The following TRAK2 variants were observed in gnomAD, a reference collection of about 807,000 sequenced individuals.
The protein encoded by TRAK2 is trafficking kinesin-binding protein 2.
Under a neutral mutation model 104.6 loss-of-function variants are expected in TRAK2, and 81 were observed. That is an observed-to-expected ratio of 0.77 (90% CI 0.65 to 0.93). TRAK2 has a LOEUF of 0.93. Among genes scored for constraint, TRAK2 ranks in the 40% least tolerant of loss-of-function variants. The pLI is 0.00. For synonymous variants in TRAK2, 406 were observed against 394.4 expected (o/e 1.03, Z -0.35); for missense variants, 1,002 against 1,089.0 (o/e 0.92, Z 1.12).
At chr2:201,424,829 G>A (rs1025467614) in intron 1 of TRAK2, among the ~76,000 whole-genome samples, 1 of 151,704 alleles carries the variant, frequency 6.6e-6, no homozygotes, top group East Asian at 1.9e-4. Flanking sequence ...GGATGGTCTC[G>A]ATCTCCTGAC....
At chr2:201,440,245 T>G (rs1951910064) in intron 1 of TRAK2, among the ~76,000 whole-genome samples, 2 of 152,134 alleles carry the variant, frequency 1.3e-5, no homozygotes, top group Admixed American at 1.3e-4. Flanking sequence ...AGCCCATTTC[T>G]AATTTTGTTT....
chr2:201,423,037 CCACACACACACACACACA>C lies in TRAK2; in HGVS notation c.-199-2349_-199-2332del, dbSNP rs142826543. On this transcript the variant is annotated intron_variant, in intron 1 of 15. Coordinates refer to ENST00000332624, the MANE Select transcript of TRAK2 (RefSeq NM_015049.3). ...TGGAATAACAACAGCAACACCACCA[CCACACACACACACACACA>C]CACACACACACACACACACACACAC... Among the ~76,000 whole-genome samples the C allele has an allele frequency of 5.8e-3, 780 of 134,222 alleles. 3 individuals are homozygous for C. Among genetic ancestry groups the C allele is most frequent in the Admixed American group, 9.7e-3 (132 of 13,636 alleles). 88.1% of individuals were successfully genotyped at this position (134,222 alleles called of 152,430 possible).
chr2:201,412,233 T>C, intron 2 of TRAK2: 1 of 975,322 alleles, frequency 1.0e-6, no homozygotes, highest in Non-Finnish European at 1.7e-6. Context: ...GCTTGGGCAG[T>C]AGAACCTTTG....
At chr2:201,402,139 T>G (rs10804114) in intron 3 of TRAK2, among the ~76,000 whole-genome samples, 101,433 of 151,816 alleles carry the variant, frequency 0.67, 34,205 homozygotes, top group South Asian at 0.88. Flanking sequence ...AAAGTATTCG[T>G]TAACTGCTAC....
intron 3 of TRAK2, 120 bp from the exon 4 acceptor site, chr2:201,401,214 G>T (rs961604237): frequency 3.6e-6 from 2 of 559,824 alleles, no homozygotes; most frequent in East Asian, 3.1e-5. Flanking sequence ...AGTCATTCAG[G>T]AGAATAAAAA....
chr2:201,441,417 G>T (rs1951919050), intron 1 of TRAK2, among the ~76,000 whole-genome samples: 1 of 152,166 alleles, frequency 6.6e-6, no homozygotes, highest in South Asian at 2.1e-4. Flanking sequence ...CATCAAATGA[G>T]AAATGGTCAG....
chr2:201,436,441 A>G (rs1951880387), intron 1 of TRAK2, among the ~76,000 whole-genome samples: 1 of 152,262 alleles, frequency 6.6e-6, no homozygotes, highest in African/African-American at 2.4e-5. Flanking sequence ...TACTTCACAG[A>G]AGATTAGAAA....
chr2:201,396,854 G>A (rs887903003), intron 7 of TRAK2, among the ~76,000 whole-genome samples: 2 of 152,108 alleles, frequency 1.3e-5, no homozygotes, highest in Admixed American at 6.6e-5. Context: ...AGAATGGTTC[G>A]CGATTTGAAA....
At chr2:201,402,915 C>A (rs953430455) in intron 3 of TRAK2, among the ~76,000 whole-genome samples, 1 of 152,166 alleles carries the variant, frequency 6.6e-6, no homozygotes, top group Non-Finnish European at 1.5e-5. Flanking sequence ...GGAATTAAAA[C>A]CACCAATCTG....
chr2:201,432,530 A>G (rs1951850182), intron 1 of TRAK2, among the ~76,000 whole-genome samples: 1 of 152,272 alleles, frequency 6.6e-6, no homozygotes. Flanking sequence ...ATAATCAAGT[A>G]ACTTATTTTA....
intron 1 of TRAK2, among the ~76,000 whole-genome samples, chr2:201,422,101 AT>A (rs1951746529): frequency 1.3e-5 from 2 of 151,544 alleles, no homozygotes. Flanking sequence ...TCAGAAGGCT[AT>A]TTGGCAATGT....
intron 1 of TRAK2, among the ~76,000 whole-genome samples, chr2:201,427,909 G>A (rs562508416): frequency 6.6e-6 from 1 of 152,166 alleles, no homozygotes; most frequent in Non-Finnish European, 1.5e-5. Flanking sequence ...GCATTTCTCT[G>A]ATGGCCAGTG....
At chr2:201,420,791 A>G in intron 1 of TRAK2, 85 bp from the exon 2 acceptor site, 1 of 288,988 alleles carries the variant, frequency 3.5e-6, no homozygotes. Flanking sequence ...ATCATGAAAA[A>G]TGTTTTTCTA....
At chr2:201,441,870 T>C (rs1462770108) in intron 1 of TRAK2, among the ~76,000 whole-genome samples, 2 of 151,412 alleles carry the variant, frequency 1.3e-5, no homozygotes, top group African/African-American at 4.9e-5. Flanking sequence ...TTTTGTATTT[T>C]TAGTAGAGAT....
chr2:201,441,008 G>A (rs746826535), intron 1 of TRAK2, among the ~76,000 whole-genome samples: 18 of 152,220 alleles, frequency 1.2e-4, no homozygotes, highest in East Asian at 5.8e-4. Flanking sequence ...TGCAAAATAC[G>A]TGCCTACTAC....
At chr2:201,399,230 C>T (rs1314967867) in intron 5 of TRAK2, 147 bp downstream of exon 5, 2 of 552,188 alleles carry the variant, frequency 3.6e-6, no homozygotes, top group South Asian at 2.6e-5. Context: ...AATTTCTCTA[C>T]TGATTAGTTT....
Position 201,398,258 on chromosome 2 carries a change from T to A in TRAK2, c.577A>T (p.Thr193Ser), listed in dbSNP as rs528934952. The A allele has an allele frequency of 6.2e-7, 1 of 1,613,782 alleles. No homozygotes were observed. The highest frequency in any genetic ancestry group is 2.2e-5 in the East Asian group (1 of 44,868). Reference protein sequence around the residue: ...EESETDSSCSTPLRFNESFSL... With the variant: ...EESETDSSCSSPLRFNESFSL... Reference sequence around the variant, plus strand: ...AAGGACTCATTGAACCGAAGAGGTGTAGAACAGCTGGAATCAGTTTCACTT... The same window carrying A: ...AAGGACTCATTGAACCGAAGAGGTGAAGAACAGCTGGAATCAGTTTCACTT... The change falls in exon 6 of 16, where the codon ACA (threonine) becomes TCA (serine). Residue 193 changes from threonine (T) to serine (S), a missense_variant. By Grantham distance (58) the Thr-to-Ser change is moderately conservative (BLOSUM62 1). Transcript: ENST00000332624.
At chr2:201,437,312 TTCTC>T (rs1951886294) in intron 1 of TRAK2, among the ~76,000 whole-genome samples, 1 of 152,122 alleles carries the variant, frequency 6.6e-6, no homozygotes, top group Admixed American at 6.5e-5. Flanking sequence ...TTCTTCAGGA[TTCTC>T]TCATGGGCCC....
chr2:201,380,661 G>A lies in TRAK2; in HGVS notation c.2627C>T (p.Ser876Leu). The change falls in exon 16 of 16, where the codon TCA becomes TTA. Residue 876 changes from serine to leucine, a missense_variant. Physicochemically the swap from Ser to Leu is moderately radical, Grantham distance 145. Coordinates refer to ENST00000332624, the MANE Select transcript of TRAK2 (RefSeq NM_015049.3). ...TAGTCCACCTAATAAACTGCTACCT[G>A]AATTTAAATAAACAGCAGAATCTGG... Reference protein sequence around the residue: ...QKPDSAVYLNSGSSLLGGLRR... With the variant: ...QKPDSAVYLNLGSSLLGGLRR... 1.2e-6 allele frequency: 2 copies of A among 1,614,036 alleles called. No homozygotes were observed. The highest frequency in any genetic ancestry group is 8.5e-7 in the Non-Finnish European group (1 of 1,179,966).
Sources: gnomAD v4.1 joint callset for allele counts (sites outside exome capture counted in the v4.1 genomes callset) on GRCh38, gnomAD v4.1.1 for gene constraint, MANE v1.5 for transcripts, NCBI Gene and HGNC (gene_info 2026-07-23, HGNC 2026-07-21) for gene names.